Variants in ARHGAP28 observed in about 807,000 individuals in gnomAD.
The protein encoded by ARHGAP28 is Rho GTPase activating protein 28.
Under a neutral mutation model 90.7 loss-of-function variants are expected in ARHGAP28, and 56 were observed. The observed-to-expected ratio is 0.62, with a 90% CI of 0.50 to 0.77. The LOEUF (loss-of-function observed/expected upper bound fraction) is 0.77. Among genes scored for constraint, ARHGAP28 ranks in the 30% least tolerant of loss-of-function variants. The pLI is 0.00. For missense variants in ARHGAP28, 869 were observed against 900.9 expected (o/e 0.96, Z 0.45); for synonymous variants, 308 against 323.3 (o/e 0.95, Z 0.51).
In ARHGAP28 at chr18:6,887,213, C is replaced by T; in HGVS notation, c.1510C>T (p.Pro504Ser). ...CTTACACCTCATGGTCATGGCGCTG[C>T]CTGATGCCAACAGAGATGCAGCTCA... ...QALHLMVMAL[P>S]DANRDAAQAL... Residue 504 changes from proline (P) to serine (S), a missense_variant, in exon 12 of 18, where the codon CCT becomes TCT. Pro to Ser is a moderately conservative substitution (Grantham distance 74). Coordinates refer to ENST00000383472, the MANE Select transcript of ARHGAP28 (RefSeq NM_001366230.1). The T allele has an allele frequency of 6.2e-7, 1 of 1,614,130 alleles. No individual in the cohort carries two copies. The highest frequency in any genetic ancestry group is 8.5e-7 in the Non-Finnish European group (1 of 1,180,024).
In ARHGAP28 at chr18:6,912,100, A is replaced by C. The variant is rs77144998; in HGVS notation, c.2136A>C (p.Val712=). The change falls in exon 18 of 18, where the codon GTA becomes GTC. Residue 712 remains valine (V), a synonymous_variant. Coordinates refer to ENST00000383472, the MANE Select transcript of ARHGAP28 (RefSeq NM_001366230.1). ...ATCCAGATGCTTATATATTGGATGTATATCGTATAAATCCTCAAGCAGAAT... is the reference window on the plus strand; with the variant it reads ...ATCCAGATGCTTATATATTGGATGTCTATCGTATAAATCCTCAAGCAGAAT... ...CLDPDAYILD[V]YRINPQAEWV... 6.2e-7 allele frequency: 1 copy of C among 1,609,188 alleles called. No homozygotes were observed. Among genetic ancestry groups the C allele is most frequent in the African/African-American group, 1.3e-5 (1 of 74,722 alleles).
chr18:6,803,052 T>C (rs2056493775), intron 1 of ARHGAP28, among the ~76,000 whole-genome samples: 1 of 152,192 alleles, frequency 6.6e-6, no homozygotes, highest in Non-Finnish European at 1.5e-5. Flanking sequence ...AGTTTATTTA[T>C]TTCTTTCCAA....
intron 1 of ARHGAP28, 111 bp downstream of exon 1, chr18:6,730,054 T>A: frequency 8.7e-7 from 1 of 1,147,926 alleles, no homozygotes; most frequent in Non-Finnish European, 1.1e-6. Flanking sequence ...GGATGTTGTT[T>A]CAAGTTTTGG....
At chr18:6,792,154 C>T (rs966401785) in intron 1 of ARHGAP28, among the ~76,000 whole-genome samples, 2 of 151,938 alleles carry the variant, frequency 1.3e-5, no homozygotes, top group African/African-American at 4.8e-5. Context: ...TGGAGATGGA[C>T]GTAGAGGAAG....
At chr18:6,900,339 A>G (rs1187829894) in intron 16 of ARHGAP28, among the ~76,000 whole-genome samples, 1 of 152,186 alleles carries the variant, frequency 6.6e-6, no homozygotes, top group East Asian at 1.9e-4. Context: ...ACTAAACTAA[A>G]TCAAATTTTA....
intron 4 of ARHGAP28, among the ~76,000 whole-genome samples, chr18:6,859,170 A>T (rs2056977857): frequency 6.6e-6 from 1 of 152,232 alleles, no homozygotes; most frequent in African/African-American, 2.4e-5. Context: ...TGCTAAAAAA[A>T]AATTATGACA....
At chr18:6,836,967 A>T (rs1367109520) in intron 2 of ARHGAP28, among the ~76,000 whole-genome samples, 1 of 152,196 alleles carries the variant, frequency 6.6e-6, no homozygotes, top group Non-Finnish European at 1.5e-5. Flanking sequence ...TAGCAGGAAA[A>T]TTTACCTTAC....
chr18:6,731,334 A>C (rs2055880861), intron 1 of ARHGAP28, among the ~76,000 whole-genome samples: 1 of 151,936 alleles, frequency 6.6e-6, no homozygotes, highest in Non-Finnish European at 1.5e-5. Flanking sequence ...AGCATGGGCC[A>C]AGTTTGTCCA....
At chr18:6,752,931 T>A (rs1412188917) in intron 1 of ARHGAP28, among the ~76,000 whole-genome samples, 1 of 128,716 alleles carries the variant, frequency 7.8e-6, no homozygotes, top group Non-Finnish European at 1.7e-5. Flanking sequence ...TTTCATTTTT[T>A]ACCCACTAAT....
chr18:6,760,581 A>G (rs2056151250), intron 1 of ARHGAP28, among the ~76,000 whole-genome samples: 1 of 152,252 alleles, frequency 6.6e-6, no homozygotes, highest in South Asian at 2.1e-4. Context: ...AACACTTTCT[A>G]CAGAAGCTTT....
chr18:6,905,638 T>C (rs902756981), intron 16 of ARHGAP28, among the ~76,000 whole-genome samples: 5 of 152,094 alleles, frequency 3.3e-5, no homozygotes, highest in African/African-American at 1.2e-4. Flanking sequence ...ATTATCTACA[T>C]ATAAAATTTC....
chr18:6,803,583 C>T (rs1415097267), intron 1 of ARHGAP28, among the ~76,000 whole-genome samples: 1 of 152,012 alleles, frequency 6.6e-6, no homozygotes, highest in Non-Finnish European at 1.5e-5. Context: ...TTGGGTAATG[C>T]TGGCCTCATA....
At chr18:6,784,567 C>T (rs2056351833) in intron 1 of ARHGAP28, among the ~76,000 whole-genome samples, 1 of 152,158 alleles carries the variant, frequency 6.6e-6, no homozygotes, top group South Asian at 2.1e-4. Flanking sequence ...ATTCTAAACT[C>T]CAGGCAAGGG....
At chr18:6,864,971 C>T (rs1029918366) in intron 5 of ARHGAP28, among the ~76,000 whole-genome samples, 1 of 152,100 alleles carries the variant, frequency 6.6e-6, no homozygotes, top group African/African-American at 2.4e-5. Flanking sequence ...TTCCCATATC[C>T]CCCCATTCCT....
chr18:6,887,084 A>T, intron 11 of ARHGAP28, 73 bp from the exon 12 acceptor site: 1 of 1,365,360 alleles, frequency 7.3e-7, no homozygotes, highest in Non-Finnish European at 1.0e-6. Flanking sequence ...GTGCCACCAG[A>T]TGCTAGCAAG....
At position 6,912,241 on chromosome 18, in the gene ARHGAP28, T is replaced by C; in HGVS notation, c.*87T>C. ...GGAAAAAACAACACTGTGTTTGACGTATTTGTTCCTACAGCATTCTCAGTA... is the reference window on the plus strand; with the variant it reads ...GGAAAAAACAACACTGTGTTTGACGCATTTGTTCCTACAGCATTCTCAGTA... On this transcript the variant is annotated 3_prime_UTR_variant, in exon 18 of 18. Coordinates refer to ENST00000383472, the MANE Select transcript of ARHGAP28 (RefSeq NM_001366230.1). The C allele has an allele frequency of 1.4e-6, 1 of 701,104 alleles. No homozygotes were observed. Among genetic ancestry groups the C allele is most frequent in the South Asian group, 2.4e-5 (1 of 41,444 alleles). The allele number at this position is 701,104 out of a possible 1,614,324, so 43.4% of individuals were successfully genotyped here.
At chr18:6,827,277 C>T (rs1446596647) in intron 2 of ARHGAP28, among the ~76,000 whole-genome samples, 9 of 151,294 alleles carry the variant, frequency 5.9e-5, no homozygotes, top group Non-Finnish European at 3.0e-5. Context: ...GGCTGAGGCG[C>T]CCCTCACCTC....
At chr18:6,833,854 A>G (rs1340719606) in intron 2 of ARHGAP28, among the ~76,000 whole-genome samples, 2 of 151,792 alleles carry the variant, frequency 1.3e-5, no homozygotes, top group Non-Finnish European at 2.9e-5. Flanking sequence ...ATCAGAATGG[A>G]CTCCTGGTTT....
chr18:6,884,112 C>A (rs1002253441), intron 11 of ARHGAP28, among the ~76,000 whole-genome samples: 1 of 152,140 alleles, frequency 6.6e-6, no homozygotes, highest in Non-Finnish European at 1.5e-5. Flanking sequence ...TGGGGGCTCA[C>A]GCCTGTAATC....
Sources: gnomAD v4.1 joint callset for allele counts (sites outside exome capture counted in the v4.1 genomes callset) on GRCh38, gnomAD v4.1.1 for gene constraint, MANE v1.5 for transcripts, NCBI Gene and HGNC (gene_info 2026-07-23, HGNC 2026-07-21) for gene names.